The following PAX8 variants were observed in gnomAD, a reference collection of about 807,000 sequenced individuals.
PAX8 encodes the protein paired box 8, also known as paired box protein Pax-8.
A neutral mutation model predicts 52.4 loss-of-function variants in PAX8; 15 were observed. The observed-to-expected ratio is 0.29, with a 90% CI of 0.19 to 0.44. The LOEUF is 0.44. PAX8 is among the 20% of genes least tolerant of loss of function. The pLI is 1.00. For synonymous variants in PAX8, 284 were observed against 249.7 expected, an observed-to-expected ratio of 1.14 and a Z score of -1.29; for missense variants, 554 against 602.5, an observed-to-expected ratio of 0.92 and a Z score of 0.84.
At chr2:113,269,912 T>G (rs1472926562) in intron 2 of PAX8, 1 of 152,196 alleles carries the variant, frequency 6.6e-6, no homozygotes, top group Non-Finnish European at 1.5e-5. Context: ...GTTCTGGATT[T>G]CAACACACAG....
intron 2 of PAX8, 34 bp downstream of exon 2, chr2:113,278,336 G>C (rs1362766409): frequency 6.7e-7 from 1 of 1,498,154 alleles, no homozygotes; most frequent in Non-Finnish European, 9.3e-7. Context: ...AGCGGCGCGG[G>C]GGCTCGGGGA....
chr2:113,255,077 A>G (rs1272396986), intron 2 of PAX8, among the ~76,000 whole-genome samples: 1 of 150,846 alleles, frequency 6.6e-6, no homozygotes, highest in Non-Finnish European at 1.5e-5. Flanking sequence ...GACAGAAAGA[A>G]GGAAGGAAGG....
At chr2:113,259,534 C>T (rs1692513467) in intron 2 of PAX8, 1 of 152,666 alleles carries the variant, frequency 6.6e-6, no homozygotes, top group Admixed American at 6.5e-5. Context: ...CTTTCCTCCT[C>T]CCAGCTGCAC....
At chr2:113,230,736 A>G (rs1273942881) in intron 9 of PAX8, 1 of 152,274 alleles carries the variant, frequency 6.6e-6, no homozygotes, top group Non-Finnish European at 1.5e-5. Context: ...AAAGCCAAGA[A>G]GCTTGCAAGC....
intron 2 of PAX8, among the ~76,000 whole-genome samples, chr2:113,254,692 C>T (rs1692060542): frequency 1.3e-5 from 2 of 152,218 alleles, no homozygotes; most frequent in South Asian, 4.1e-4. Context: ...CTGACCCTGA[C>T]TTAGTGTTCA....
intron 2 of PAX8, chr2:113,267,396 A>G (rs1326980321): frequency 6.6e-6 from 1 of 152,198 alleles, no homozygotes; most frequent in East Asian, 1.9e-4. Context: ...CTTATGTGAA[A>G]ACAAGAATGC....
At chr2:113,274,857 A>AGCATATAAAGGGCCGTT (rs1693691970) in intron 2 of PAX8, 1 of 152,232 alleles carries the variant, frequency 6.6e-6, no homozygotes, top group Non-Finnish European at 1.5e-5. Flanking sequence ...AAATGAAGGA[A>AGCATATAAAGGGCCGTT]GCATATAAAG....
chr2:113,230,456 T>C (rs1256220183), intron 9 of PAX8: 1 of 152,282 alleles, frequency 6.6e-6, no homozygotes, highest in Non-Finnish European at 1.5e-5. Flanking sequence ...ATCTTATAAA[T>C]GGAATTCATC....
intron 2 of PAX8, among the ~76,000 whole-genome samples, chr2:113,258,269 G>A (rs1692409559): frequency 6.6e-6 from 1 of 152,130 alleles, no homozygotes; most frequent in African/African-American, 2.4e-5. Flanking sequence ...GTACTGGCTG[G>A]TTGTCCTCCA....
intron 4 of PAX8, among the ~76,000 whole-genome samples, chr2:113,243,041 C>G (rs1690997024): frequency 1.3e-5 from 2 of 152,190 alleles, no homozygotes; most frequent in African/African-American, 4.8e-5. Flanking sequence ...TCCTATCAAA[C>G]CCATCATCAA....
rs150455752 is a variant in PAX8, at chr2:113,227,064, A to G, written c.1189+91T>C. The stretch of plus-strand genomic sequence containing the variant: ...AATGCCCTTTGGGAAGTCTATGAAT[A>G]GGGCACAGTATGCCTCTTGCTCCTT... On this transcript the variant is annotated intron_variant, in intron 10 of 11. Transcript: ENST00000429538. 423 of 1,536,294 alleles carry G rather than the reference A, an allele frequency of 2.8e-4. 3 individuals carry two copies. In the East Asian group the frequency reaches 0.01, roughly 37 times the overall value.
chr2:113,242,226 A>C, intron 5 of PAX8, 96 bp from the exon 6 acceptor site: 1 of 798,854 alleles, frequency 1.3e-6, no homozygotes, highest in Non-Finnish European at 1.9e-6. Context: ...TGGGGACTGC[A>C]GGGGCTGGGG....
At chr2:113,236,772 T>G in intron 7 of PAX8, 51 bp from the exon 8 acceptor site, 1 of 1,538,594 alleles carries the variant, frequency 6.5e-7, no homozygotes, top group Non-Finnish European at 8.7e-7. Flanking sequence ...CAAGCCGACC[T>G]TCCTGCAGAC....
intron 2 of PAX8, among the ~76,000 whole-genome samples, chr2:113,252,171 C>T (rs930274980): frequency 6.6e-6 from 1 of 152,144 alleles, no homozygotes; most frequent in Non-Finnish European, 1.5e-5. Context: ...TTGCTTTAGT[C>T]CCATAGAGTG....
intron 2 of PAX8, chr2:113,269,080 AGAGAT>A (rs1693300417): frequency 1.3e-5 from 2 of 152,428 alleles, no homozygotes; most frequent in Admixed American, 1.3e-4. Context: ...ATACTGCCAA[AGAGAT>A]GTAAGGCCTA....
chr2:113,218,439 T>C lies in PAX8; in HGVS notation c.*94A>G. 2 of 652,962 alleles carry C rather than the reference T, an allele frequency of 3.1e-6. No individual in the cohort carries two copies. Among genetic ancestry groups the C allele is most frequent in the South Asian group, 4.7e-5 (2 of 42,594 alleles). The allele number at this position is 652,962 out of a possible 1,614,324, so 40.4% of individuals were successfully genotyped here. On this transcript the variant is annotated 3_prime_UTR_variant, in exon 12 of 12. Transcript: ENST00000429538. ...ATGCTGGACTTGTGGTTATTTTTCA[T>C]GTAATAAATAAAGATTCCTTTGTGT...
intron 2 of PAX8, chr2:113,266,288 T>C (rs1438827500): frequency 2.0e-5 from 3 of 152,218 alleles, no homozygotes; most frequent in Non-Finnish European, 2.9e-5. Flanking sequence ...GAAGGCATCA[T>C]GTTCTGGGTG....
At chr2:113,224,286 C>T (rs998242186) in intron 10 of PAX8, among the ~76,000 whole-genome samples, 5 of 152,024 alleles carry the variant, frequency 3.3e-5, no homozygotes, top group African/African-American at 1.2e-4. Flanking sequence ...GTGACTCACA[C>T]CTGTAATCCC....
In PAX8 at chr2:113,226,846, C is replaced by G. The variant is rs796622885; in HGVS notation, c.1189+309G>C. ...TGCTCTCCATTTATGCTCACTGATT[C>G]ACTGGAAGAAGTGGTGGAGCTTGGA... On this transcript the variant is annotated intron_variant, in intron 10 of 11. Coordinates refer to ENST00000429538, the MANE Select transcript of PAX8 (RefSeq NM_003466.4). 41 of 1,292,344 alleles carry G rather than the reference C, an allele frequency of 3.2e-5. No individual in the cohort carries two copies. In the African/African-American group the frequency reaches 5.5e-4, roughly 17 times the overall value. The allele number at this position is 1,292,344 out of a possible 1,614,324, so 80.1% of individuals were successfully genotyped here.
Sources: gnomAD v4.1 joint callset for allele counts (sites outside exome capture counted in the v4.1 genomes callset) on GRCh38, gnomAD v4.1.1 for gene constraint, MANE v1.5 for transcripts, NCBI Gene and HGNC (gene_info 2026-07-23, HGNC 2026-07-21) for gene names.